MED13L: variants seen among roughly 807,000 people sequenced by gnomAD.
MED13L encodes mediator complex subunit 13L.
A neutral mutation model predicts 220.9 loss-of-function variants in MED13L; 7 were observed. The observed-to-expected ratio is 0.03, with a 90% CI of 0.02 to 0.06. The LOEUF (loss-of-function observed/expected upper bound fraction) is 0.06, where lower values mean the gene tolerates loss of function less well. MED13L is among the 10% of genes least tolerant of loss of function. The probability of loss-of-function intolerance (pLI) is 1.00; values close to 1 mark genes in which losing one functional copy is unlikely to be tolerated. For missense variants in MED13L, 1,965 were observed against 2,760.5 expected (o/e 0.71, Z 6.46); for synonymous variants, 1,011 against 1,015.2 (o/e 1.00, Z 0.08).
chr12:116,013,332 A>G (rs1879531808), intron 8 of MED13L, among the ~76,000 whole-genome samples: 2 of 152,184 alleles, frequency 1.3e-5, no homozygotes, highest in Admixed American at 1.3e-4. Flanking sequence ...ATGCCAAACA[A>G]TCCCAGATTA....
chr12:116,077,456 T>C (rs1870892258), intron 4 of MED13L, among the ~76,000 whole-genome samples: 1 of 152,234 alleles, frequency 6.6e-6, no homozygotes, highest in African/African-American at 2.4e-5. Flanking sequence ...GAATATAAAG[T>C]ATCTTCTTTA....
intron 14 of MED13L, among the ~76,000 whole-genome samples, chr12:116,000,031 A>G (rs1349695166): frequency 2.0e-5 from 3 of 152,242 alleles, no homozygotes; most frequent in African/African-American, 4.8e-5. Flanking sequence ...ATATTGAGAT[A>G]ATGTATGCTC....
At position 116,256,972 on chromosome 12, in the gene MED13L, G is replaced by A. The variant is rs142905636; in HGVS notation, c.73-19267C>T. Among the ~76,000 whole-genome samples the A allele has an allele frequency of 5.3e-4, 80 of 152,214 alleles. 1 individual carries two copies. The East Asian group carries it at 0.015, about 29-fold the overall frequency. Reference sequence around the variant, plus strand: ...TTACAGGCATGAGCCACCGTGCCCAGCCCAAAACAAACTACTTTTAATAAA... The same window carrying A: ...TTACAGGCATGAGCCACCGTGCCCAACCCAAAACAAACTACTTTTAATAAA... On this transcript the variant is annotated intron_variant, in intron 1 of 30. Transcript: ENST00000281928.
At chr12:115,986,853 T>C (rs1478819022) in intron 18 of MED13L, among the ~76,000 whole-genome samples, 10 of 152,106 alleles carry the variant, frequency 6.6e-5, no homozygotes, top group Non-Finnish European at 1.2e-4. Context: ...GCAGTGAGGA[T>C]TGGGAAAATG....
At chr12:116,145,758 C>T (rs1877450886) in intron 2 of MED13L, among the ~76,000 whole-genome samples, 1 of 151,268 alleles carries the variant, frequency 6.6e-6, no homozygotes, top group African/African-American at 2.4e-5. Context: ...AACTCCTGGC[C>T]TCAAGCAATT....
At chr12:115,981,020 A>G (rs775028784) in intron 22 of MED13L, 82 bp from the exon 23 acceptor site, 272 of 1,210,710 alleles carry the variant, frequency 2.2e-4, no homozygotes, top group Non-Finnish European at 3.2e-4. Context: ...AAGCTGAAAA[A>G]GGAAACGGCA....
chr12:116,019,564 A>G (rs1879930098), intron 6 of MED13L, 152 bp from the exon 7 acceptor site: 1 of 1,138,360 alleles, frequency 8.8e-7, no homozygotes, highest in Non-Finnish European at 1.3e-6. Flanking sequence ...TAGCTGTTTA[A>G]ACATGTGTTC....
intron 1 of MED13L, chr12:116,276,353 C>T (rs60664000): frequency 0.04 from 16,276 of 402,740 alleles, 165 homozygotes; most frequent in African/African-American, 0.061. Context: ...TGTGTGTGTG[C>T]GGATTCGTTG....
chr12:116,084,388 G>T (rs1358282086), intron 4 of MED13L, among the ~76,000 whole-genome samples: 1 of 152,186 alleles, frequency 6.6e-6, no homozygotes, highest in Non-Finnish European at 1.5e-5. Flanking sequence ...ATGGAGGGCT[G>T]CAGGTAAAGT....
At chr12:116,001,767 C>T (rs532318534) in intron 14 of MED13L, among the ~76,000 whole-genome samples, 1 of 152,124 alleles carries the variant, frequency 6.6e-6, no homozygotes, top group Non-Finnish European at 1.5e-5. Flanking sequence ...TTATAACGTG[C>T]ACTTTATCAT....
chr12:116,103,666 T>A (rs80114634), intron 3 of MED13L, among the ~76,000 whole-genome samples: 18 of 152,332 alleles, frequency 1.2e-4, no homozygotes, highest in African/African-American at 4.1e-4. Flanking sequence ...ACAGACTGAT[T>A]AGTCTCAGGG....
intron 14 of MED13L, among the ~76,000 whole-genome samples, 187 bp downstream of exon 14, chr12:116,002,816 G>A (rs1381216175): frequency 6.6e-6 from 1 of 152,144 alleles, no homozygotes; most frequent in Admixed American, 6.5e-5. Context: ...AATTAAGATG[G>A]TTTCTGTATA....
At chr12:116,212,859 A>G (rs978586317) in intron 2 of MED13L, among the ~76,000 whole-genome samples, 1 of 152,174 alleles carries the variant, frequency 6.6e-6, no homozygotes, top group African/African-American at 2.4e-5. Flanking sequence ...ATTACAACAT[A>G]TATTAATCAT....
At chr12:116,188,624 C>T (rs941991212) in intron 2 of MED13L, among the ~76,000 whole-genome samples, 3 of 152,088 alleles carry the variant, frequency 2.0e-5, no homozygotes, top group Non-Finnish European at 4.4e-5. Flanking sequence ...CTTCCAAAAC[C>T]GTAGTACAAC....
chr12:116,207,291 G>A (rs950358794), intron 2 of MED13L, among the ~76,000 whole-genome samples: 9 of 151,856 alleles, frequency 5.9e-5, no homozygotes, highest in Admixed American at 1.3e-4. Flanking sequence ...GTGAGCCACC[G>A]TTCCTTGCTT....
chr12:116,175,597 T>C (rs1017409155), intron 2 of MED13L, among the ~76,000 whole-genome samples: 1 of 152,174 alleles, frequency 6.6e-6, no homozygotes, highest in Non-Finnish European at 1.5e-5. Context: ...CTCTTCAGGT[T>C]ACCTGAAAGA....
At chr12:116,126,590 T>A (rs982473013) in intron 2 of MED13L, among the ~76,000 whole-genome samples, 4 of 152,104 alleles carry the variant, frequency 2.6e-5, no homozygotes, top group African/African-American at 4.8e-5. Flanking sequence ...GAAAAGGTAT[T>A]ACAAATAAAT....
chr12:116,150,851 G>A (rs771518698), intron 2 of MED13L, among the ~76,000 whole-genome samples: 9 of 152,156 alleles, frequency 5.9e-5, no homozygotes, highest in Admixed American at 1.3e-4. Flanking sequence ...TAGGTAGGTC[G>A]TTTAATTTTC....
rs1268811192 is a variant in MED13L at position 116,197,351 on chromosome 12, C to CATAGGGAA, written c.310+40116_310+40117insTTCCCTAT. 2.6e-5 allele frequency among the ~76,000 whole-genome samples: 4 copies of CATAGGGAA among 152,290 alleles called. No homozygotes were observed. The East Asian group carries it at 5.8e-4, about 22-fold the overall frequency. ...GACTCTGGCCCACTGCCATAAGGAA[C>CATAGGGAA]TCTATCTCTGTTCTCTGCTTTATCT... On this transcript the variant is annotated intron_variant, in intron 2 of 30. Transcript: ENST00000281928.
Sources: gnomAD v4.1 joint callset for allele counts (sites outside exome capture counted in the v4.1 genomes callset) on GRCh38, gnomAD v4.1.1 for gene constraint, MANE v1.5 for transcripts, NCBI Gene and HGNC (gene_info 2026-07-23, HGNC 2026-07-21) for gene names.